The following FBXO11 variants were observed in gnomAD, a reference collection of about 807,000 sequenced individuals.
The protein encoded by FBXO11 is F-box protein 11.
FBXO11 carries 13 observed loss-of-function variants against 117.0 expected under a neutral mutation model. The ratio of observed to expected loss-of-function variants is 0.11; its 90% confidence interval spans 0.07 to 0.18. The LOEUF (loss-of-function observed/expected upper bound fraction) is 0.18. Ranked by LOEUF, FBXO11 falls within the 10% of genes least tolerant of loss-of-function variation. The pLI is 1.00. For missense variants in FBXO11, 767 were observed against 1,164.4 expected (o/e 0.66, Z 4.97); for synonymous variants, 490 against 380.5 (o/e 1.29, Z -3.35).
chr2:47,857,536 C>T (rs905077381), intron 1 of FBXO11, among the ~76,000 whole-genome samples: 2 of 152,098 alleles, frequency 1.3e-5, no homozygotes, highest in South Asian at 2.1e-4. Flanking sequence ...TGCAGTACAA[C>T]TGATCTACAT....
intron 1 of FBXO11, among the ~76,000 whole-genome samples, chr2:47,872,293 G>A (rs760731750): frequency 5.3e-5 from 8 of 152,138 alleles, no homozygotes; most frequent in Non-Finnish European, 8.8e-5. Context: ...GATGGCTTTC[G>A]GAAAGTATTA....
In FBXO11 at chr2:47,808,445, A is replaced by C. The variant is rs1304521513; in HGVS notation, c.2556-18T>G. 1 of 1,562,638 alleles carries C rather than the reference A, an allele frequency of 6.4e-7. No homozygotes were observed. The highest frequency in any genetic ancestry group is 8.6e-7 in the Non-Finnish European group (1 of 1,158,012). ...TATGACATCTAAAAAGCAAAAGCTT[A>C]AATTACTTTTCTCAAACATGTCATT... is the stretch of plus-strand genomic sequence containing the variant. On this transcript the variant is annotated intron_variant, in intron 21 of 22. Transcript: ENST00000403359.
intron 7 of FBXO11, among the ~76,000 whole-genome samples, chr2:47,834,201 T>C (rs572653022): frequency 5.3e-4 from 81 of 152,108 alleles, no homozygotes; most frequent in African/African-American, 1.9e-3. Flanking sequence ...AATACAAAAA[T>C]TAGCCACGCA....
chr2:47,819,364 T>C (rs113796429), intron 14 of FBXO11, among the ~76,000 whole-genome samples: 13,280 of 152,170 alleles, frequency 0.087, 665 homozygotes, highest in Non-Finnish European at 0.11. Context: ...TACAGGCGTC[T>C]GCCACCACGC....
Position 47,807,046 on chromosome 2 carries a change from G to C in FBXO11, c.*1072C>G. 3.3e-6 allele frequency: 2 copies of C among 603,328 alleles called. No individual in the cohort carries two copies. The highest frequency in any genetic ancestry group is 5.7e-5 in the East Asian group (2 of 35,352). 37.4% of individuals were successfully genotyped at this position (603,328 alleles called of 1,614,324 possible). ...TATTGAATACTCCACAATATATTAA[G>C]TCTAGATGTTATGGTACATGCATAC... On this transcript the variant is annotated 3_prime_UTR_variant, in exon 23 of 23. Transcript: ENST00000403359.
Position 47,906,067 on chromosome 2 carries a change from G to T in FBXO11, c.-347C>A, listed in dbSNP as rs940426001. 4 of 230,612 alleles carry T rather than the reference G, an allele frequency of 1.7e-5. No homozygotes were observed. The highest frequency in any genetic ancestry group is 2.5e-5 in the Non-Finnish European group (3 of 118,678). 14.3% of individuals were successfully genotyped at this position (230,612 alleles called of 1,614,324 possible). On this transcript the variant is annotated 5_prime_UTR_variant, in exon 1 of 23. Transcript: ENST00000403359. Reference sequence around the variant, plus strand: ...CCGCTTGGGGATCCCGAGGCGAAGCGCGGCGGCGGCGGCGGCGGCGGCTGA... The same window carrying T: ...CCGCTTGGGGATCCCGAGGCGAAGCTCGGCGGCGGCGGCGGCGGCGGCTGA...
intron 1 of FBXO11, among the ~76,000 whole-genome samples, chr2:47,853,863 C>T (rs1674070717): frequency 6.6e-6 from 1 of 152,228 alleles, no homozygotes; most frequent in South Asian, 2.1e-4. Context: ...TATCCAATTT[C>T]ATCTTCTAAA....
intron 1 of FBXO11, among the ~76,000 whole-genome samples, chr2:47,888,013 T>C (rs1676994065): frequency 6.6e-6 from 1 of 151,576 alleles, no homozygotes; most frequent in South Asian, 2.1e-4. Flanking sequence ...TGAAACCTTG[T>C]CTGAAAAAAA....
Position 47,838,885 on chromosome 2 carries a change from A to C in FBXO11, c.561T>G (p.Ser187Arg). 1 of 1,613,954 alleles carries C rather than the reference A, an allele frequency of 6.2e-7. No homozygotes were observed. ...ACAAAATTGGATCATTAGCAAGTTC[A>C]CTGAAGCGTTTACATACACAAGCTG... ...CRAACVCKRF[S>R]ELANDPILWK... Residue 187 changes from serine to arginine, a missense_variant, in exon 4 of 23, where the codon AGT (serine) becomes AGG (arginine). This residue lies in a region of FBXO11 where 355 missense variants were observed against 299.8 expected (regional missense o/e 1.18). Transcript: ENST00000403359.
intron 1 of FBXO11, among the ~76,000 whole-genome samples, chr2:47,870,063 T>TA (rs1389665536): frequency 6.6e-6 from 1 of 152,190 alleles, no homozygotes; most frequent in African/African-American, 2.4e-5. Flanking sequence ...AAGATCTGAA[T>TA]AAAACACAAA....
chr2:47,857,836 C>A (rs1003546890), intron 1 of FBXO11, among the ~76,000 whole-genome samples: 22 of 152,224 alleles, frequency 1.4e-4, no homozygotes, highest in Admixed American at 6.5e-5. Context: ...TTCTTACCAT[C>A]AAAATTACAA....
chr2:47,827,438 C>G (rs1338877603), intron 11 of FBXO11, among the ~76,000 whole-genome samples: 1 of 152,082 alleles, frequency 6.6e-6, no homozygotes, highest in Non-Finnish European at 1.5e-5. Flanking sequence ...TCCCGAGGAG[C>G]TGGGACTTTT....
At chr2:47,810,477 T>G (rs1670536643) in intron 18 of FBXO11, 51 bp from the exon 19 acceptor site, 1 of 1,151,830 alleles carries the variant, frequency 8.7e-7, no homozygotes, top group African/African-American at 1.6e-5. Context: ...AACAGACTAC[T>G]AACCTTTTTG....
intron 1 of FBXO11, among the ~76,000 whole-genome samples, chr2:47,843,865 C>A (rs7572674): frequency 0.16 from 23,838 of 151,942 alleles, 2,030 homozygotes; most frequent in Non-Finnish European, 0.18. Flanking sequence ...CTCAGCCTTC[C>A]GAGTAGCTGG....
rs889246281 is a variant in FBXO11, at chr2:47,807,853, G to C, written c.*265C>G. 2.9e-6 allele frequency: 1 copy of C among 340,508 alleles called. No homozygotes were observed. Among genetic ancestry groups the C allele is most frequent in the African/African-American group, 2.1e-5 (1 of 48,470 alleles). 21.1% of individuals were successfully genotyped at this position (340,508 alleles called of 1,614,324 possible). A position where few individuals can be genotyped will look rare whatever the true frequency, so the allele number is the denominator to read the frequency against. On this transcript the variant is annotated 3_prime_UTR_variant, in exon 23 of 23. Transcript: ENST00000403359. Reference sequence around the variant, plus strand: ...ACCAGCTTTTCAGAAGTTGGTATCTGTACAAAATTGCAGCTTATTTTCTTC... The same window carrying C: ...ACCAGCTTTTCAGAAGTTGGTATCTCTACAAAATTGCAGCTTATTTTCTTC...
intron 16 of FBXO11, chr2:47,814,373 CTT>C (rs141660721): frequency 3.2e-4 from 42 of 131,414 alleles, no homozygotes; most frequent in East Asian, 6.8e-4. Context: ...TTCAGGGAGT[CTT>C]TTTTTTTTTT....
intron 4 of FBXO11, 129 bp downstream of exon 4, chr2:47,838,730 G>A (rs747490885): frequency 9.4e-5 from 70 of 744,892 alleles, no homozygotes; most frequent in Non-Finnish European, 1.3e-4. Flanking sequence ...ACTTGGAATT[G>A]ATAAGCATTT....
chr2:47,849,233 T>C (rs952061937), intron 1 of FBXO11, among the ~76,000 whole-genome samples: 8 of 152,228 alleles, frequency 5.3e-5, no homozygotes, highest in African/African-American at 1.9e-4. Context: ...AATTTAAATA[T>C]TTTATAATAG....
chr2:47,856,524 GAAACTTGGAA>G (rs1438732146), intron 1 of FBXO11, among the ~76,000 whole-genome samples: 2 of 152,274 alleles, frequency 1.3e-5, no homozygotes, highest in East Asian at 1.9e-4. Context: ...TAGATAGTAG[GAAACTTGGAA>G]AAACTTGAGG....
Sources: gnomAD v4.1 joint callset for allele counts (sites outside exome capture counted in the v4.1 genomes callset) on GRCh38, gnomAD v4.1.1 for gene constraint, gnomAD v4.1.1 regional missense constraint, MANE v1.5 for transcripts, NCBI Gene and HGNC (gene_info 2026-07-23, HGNC 2026-07-21) for gene names.